The following SEZ6L2 variants were observed in gnomAD, a reference collection of about 807,000 sequenced individuals.
SEZ6L2 encodes seizure related 6 homolog like 2, also known as seizure 6-like protein 2.
A neutral mutation model predicts 97.0 loss-of-function variants in SEZ6L2; 44 were observed. That is an observed-to-expected ratio of 0.45 (90% CI 0.36 to 0.58). The LOEUF (loss-of-function observed/expected upper bound fraction) is 0.58, where lower values mean the gene tolerates loss of function less well. Ranked by LOEUF, SEZ6L2 falls within the 20% of genes least tolerant of loss-of-function variation. SEZ6L2 has a pLI of 0.00. For synonymous variants in SEZ6L2, 543 were observed against 546.1 expected (o/e 0.99, Z 0.08); for missense variants, 1,086 against 1,233.3 (o/e 0.88, Z 1.79).
chr16:29,895,705 G>A lies in SEZ6L2; in HGVS notation c.651+16C>T. ...AGGCTTGGAAGCTGCACAGTCACATGCTTTGGTCCAGTTACCTGGATCTCA... is the reference window on the plus strand; with the variant it reads ...AGGCTTGGAAGCTGCACAGTCACATACTTTGGTCCAGTTACCTGGATCTCA... On this transcript the variant is annotated intron_variant, in intron 4 of 17. Transcript: ENST00000617533. 5.0e-6 allele frequency: 8 copies of A among 1,609,870 alleles called. No homozygotes were observed. The highest frequency in any genetic ancestry group is 6.8e-6 in the Non-Finnish European group (8 of 1,177,864).
chr16:29,890,499 G>C (rs2068248357), intron 5 of SEZ6L2, among the ~76,000 whole-genome samples: 1 of 152,140 alleles, frequency 6.6e-6, no homozygotes. Context: ...TCCAGGTTCA[G>C]GGTTGATCTC....
chr16:29,875,874 C>T (rs1199119055), intron 12 of SEZ6L2, among the ~76,000 whole-genome samples: 1 of 151,850 alleles, frequency 6.6e-6, no homozygotes, highest in Non-Finnish European at 1.5e-5. Flanking sequence ...GTTGGCCAGG[C>T]TGGTCTCGAA....
rs2067845884 is a variant in SEZ6L2 at position 29,873,982 on chromosome 16, A to C, written c.2105-253T>G. On this transcript the variant is annotated intron_variant, in intron 12 of 17. Transcript: ENST00000617533. The surrounding 1 kb of genome is among the most constrained non-coding windows in gnomAD (Gnocchi z 4.3). ...GAGTGAGACCCAGTCTAAAAAAAATAAAAGAAAATCTCCCAGAAGCTTAGG... is the reference window on the plus strand; with the variant it reads ...GAGTGAGACCCAGTCTAAAAAAAATCAAAGAAAATCTCCCAGAAGCTTAGG... 6.6e-6 allele frequency among the ~76,000 whole-genome samples: 1 copy of C among 152,196 alleles called. No homozygotes were observed. The highest frequency in any genetic ancestry group is 1.5e-5 in the Non-Finnish European group (1 of 68,018).
intron 10 of SEZ6L2, 125 bp from the exon 11 acceptor site, chr16:29,877,592 T>A: frequency 1.1e-6 from 1 of 900,270 alleles, no homozygotes; most frequent in Non-Finnish European, 1.6e-6. Flanking sequence ...CATATTCTCC[T>A]ATCCCAGGTC....
chr16:29,886,070 A>G (rs557116948), intron 7 of SEZ6L2: 1 of 203,478 alleles, frequency 4.9e-6, no homozygotes, highest in African/African-American at 2.3e-5. Context: ...TGATGAAGAT[A>G]GCAGATGCTT....
chr16:29,879,827 T>C (rs772509192), intron 9 of SEZ6L2, 37 bp downstream of exon 9: 2 of 1,544,758 alleles, frequency 1.3e-6, no homozygotes, highest in Admixed American at 1.9e-5. Flanking sequence ...GGGGGCAACG[T>C]GGACTGAAGG....
At chr16:29,882,371 G>A (rs2068048162) in intron 8 of SEZ6L2, among the ~76,000 whole-genome samples, 1 of 151,730 alleles carries the variant, frequency 6.6e-6, no homozygotes, top group Admixed American at 6.6e-5. Context: ...GAGGTCAGGA[G>A]TTTGAGACCA....
chr16:29,873,745 C>A lies in SEZ6L2; in HGVS notation c.2105-16G>T. 1.3e-6 allele frequency: 2 copies of A among 1,560,560 alleles called. No homozygotes were observed. The highest frequency in any genetic ancestry group is 1.7e-6 in the Non-Finnish European group (2 of 1,155,426). On this transcript the variant is annotated splice_polypyrimidine_tract_variant and intron_variant, in intron 12 of 17. Transcript: ENST00000617533. The surrounding 1 kb of genome is among the most constrained non-coding windows in gnomAD (Gnocchi z 4.3). ...CAAGTCATGACTGGTGGCAGAAGAA[C>A]AAGGTCAGGGGGAGCGAGGGCCTTC...
intron 11 of SEZ6L2, 142 bp downstream of exon 11, chr16:29,877,129 C>T (rs1377286187): frequency 6.3e-6 from 7 of 1,105,126 alleles, no homozygotes; most frequent in Non-Finnish European, 8.9e-6. Context: ...ACTGCAGCCT[C>T]AACCTCCTGG....
intron 9 of SEZ6L2, 146 bp from the exon 10 acceptor site, chr16:29,878,571 A>G: frequency 1.8e-6 from 1 of 568,432 alleles, no homozygotes; most frequent in Non-Finnish European, 2.6e-6. Context: ...TTATTCTTTT[A>G]TTTTATTTAT....
Position 29,874,550 on chromosome 16 carries a change from GTTTTTT to G in SEZ6L2, c.2105-827_2105-822del, listed in dbSNP as rs541095994. On this transcript the variant is annotated intron_variant, in intron 12 of 17. Coordinates refer to ENST00000617533, the MANE Select transcript of SEZ6L2 (RefSeq NM_001243332.2). ...AATATAATTCTTTGTGTGTGTGCTTGTTTTTTTTTTTTTTTTTTTTTTTTTTTTTTT... is the reference window on the plus strand; with the variant it reads ...AATATAATTCTTTGTGTGTGTGCTTGTTTTTTTTTTTTTTTTTTTTTTTTT... 9.5e-3 allele frequency among the ~76,000 whole-genome samples: 309 copies of G among 32,566 alleles called. 32 individuals carry two copies. The highest frequency in any genetic ancestry group is 0.023 in the African/African-American group (277 of 12,154). 21.4% of individuals were successfully genotyped at this position (32,566 alleles called of 152,430 possible).
intron 6 of SEZ6L2, among the ~76,000 whole-genome samples, 187 bp downstream of exon 6, chr16:29,888,353 A>G (rs756423769): frequency 1.4e-4 from 22 of 152,058 alleles, no homozygotes; most frequent in Non-Finnish European, 1.3e-4. Context: ...GGATGGAGAA[A>G]CCCCAAGGAG....
At position 29,885,579 on chromosome 16, in the gene SEZ6L2, C is replaced by T. The variant is rs1288416616; in HGVS notation, c.1372+7G>A. 6.2e-7 allele frequency: 1 copy of T among 1,611,442 alleles called. No homozygotes were observed. The highest frequency in any genetic ancestry group is 1.7e-5 in the Admixed American group (1 of 59,898). ...GTTGGGGTCCTGTGGGGGAGTGGGT[C>T]ACTTACCTTCAAATCGAAGGCTTAA... is the stretch of plus-strand genomic sequence containing the variant. On this transcript the variant is annotated splice_region_variant and intron_variant, in intron 8 of 17. Coordinates refer to ENST00000617533, the MANE Select transcript of SEZ6L2 (RefSeq NM_001243332.2).
rs1259472533 is a variant in SEZ6L2, at chr16:29,873,555, C to T, written c.2279G>A (p.Arg760Lys). 16 of 1,614,084 alleles carry T rather than the reference C, an allele frequency of 9.9e-6. No homozygotes were observed. The African/African-American group carries it at 1.7e-4, about 17-fold the overall frequency. ...RDTGTPKWSD[R>K]VPKCALKYEP... ...AGACTCACAGGCGCATTTGGGGACCCTATCGCTCCACTTGGGTGTGCCTGT... is the reference window on the plus strand; with the variant it reads ...AGACTCACAGGCGCATTTGGGGACCTTATCGCTCCACTTGGGTGTGCCTGT... Residue 760 changes from arginine (R) to lysine (K), a missense_variant, in exon 13 of 18, where the codon AGG becomes AAG. Physicochemically the swap from Arg to Lys is conservative, Grantham distance 26. Coordinates refer to ENST00000617533, the MANE Select transcript of SEZ6L2 (RefSeq NM_001243332.2). This position sits in a 1 kb window ranked among gnomAD's most constrained non-coding sequence, Gnocchi z 4.3.
chr16:29,888,076 C>T (rs1002652848), intron 6 of SEZ6L2, among the ~76,000 whole-genome samples: 11 of 152,084 alleles, frequency 7.2e-5, no homozygotes, highest in African/African-American at 2.2e-4. Context: ...GAAGACTCTC[C>T]AACTGCGGAT....
At chr16:29,877,248 C>T in intron 11 of SEZ6L2, 23 bp downstream of exon 11, 2 of 1,531,108 alleles carry the variant, frequency 1.3e-6, no homozygotes, top group East Asian at 2.3e-5. Context: ...CCCTGCCCAT[C>T]CCGGGACTCT....
chr16:29,878,033 C>A lies in SEZ6L2; in HGVS notation c.1712+254G>T, dbSNP rs544708575. Among the ~76,000 whole-genome samples the A allele has an allele frequency of 4.6e-5, 7 of 152,348 alleles. No individual in the cohort carries two copies. In the East Asian group the frequency reaches 1.2e-3, roughly 25 times the overall value. ...CTCCAAAGAGTGAGAGGCACCAGGC[C>A]AGAGCCCCTTGTTCACAGTGGCCCC... is the stretch of plus-strand genomic sequence containing the variant. On this transcript the variant is annotated intron_variant, in intron 10 of 17. Coordinates refer to ENST00000617533, the MANE Select transcript of SEZ6L2 (RefSeq NM_001243332.2).
chr16:29,894,975 C>G (rs906077924), intron 5 of SEZ6L2, among the ~76,000 whole-genome samples: 3 of 151,954 alleles, frequency 2.0e-5, no homozygotes, highest in Non-Finnish European at 4.4e-5. Context: ...GTCAGGAGAT[C>G]GAGACCATCC....
chr16:29,874,499 G>A (rs1015853022), intron 12 of SEZ6L2, among the ~76,000 whole-genome samples: 49 of 139,168 alleles, frequency 3.5e-4, no homozygotes, highest in African/African-American at 2.6e-5. Flanking sequence ...CCTGAGCTAC[G>A]TACCCTGCTA....
Sources: gnomAD v4.1 joint callset for allele counts (sites outside exome capture counted in the v4.1 genomes callset) on GRCh38, gnomAD v4.1.1 for gene constraint, Gnocchi (gnomAD v3.1) non-coding constraint, MANE v1.5 for transcripts, NCBI Gene and HGNC (gene_info 2026-07-23, HGNC 2026-07-21) for gene names.